Variants in CDK8 observed in about 807,000 individuals in gnomAD.
CDK8 encodes the protein cyclin dependent kinase 8.
A neutral mutation model predicts 71.5 loss-of-function variants in CDK8; 29 were observed. The ratio of observed to expected loss-of-function variants is 0.41; its 90% CI spans 0.30 to 0.55. CDK8 has a LOEUF of 0.55. Among genes scored for constraint, CDK8 ranks in the 20% least tolerant of loss-of-function variants. The pLI, the probability that CDK8 is intolerant of heterozygous loss-of-function variation, is 0.37. For synonymous variants in CDK8, 161 were observed against 192.1 expected, an observed-to-expected ratio of 0.84 and a Z score of 1.34; for missense variants, 288 against 572.6, an observed-to-expected ratio of 0.50 and a Z score of 5.07.
At chr13:26,267,803 A>G (rs887732331) in intron 1 of CDK8, among the ~76,000 whole-genome samples, 8 of 152,234 alleles carry the variant, frequency 5.3e-5, no homozygotes, top group African/African-American at 1.9e-4. Context: ...AGATGGAGGT[A>G]GAACTTCCCA....
chr13:26,357,081 T>C (rs1216582282), intron 4 of CDK8, among the ~76,000 whole-genome samples: 1 of 152,230 alleles, frequency 6.6e-6, no homozygotes, highest in East Asian at 1.9e-4. Flanking sequence ...ATAGAAATAC[T>C]GGTTTGAGAT....
chr13:26,398,285 C>T (rs535531245), intron 9 of CDK8, among the ~76,000 whole-genome samples: 20 of 152,140 alleles, frequency 1.3e-4, no homozygotes, highest in Admixed American at 9.2e-4. Context: ...TTAGATCCTT[C>T]GAAATTATGG....
intron 4 of CDK8, among the ~76,000 whole-genome samples, chr13:26,358,703 A>G (rs970764032): frequency 6.6e-6 from 1 of 152,250 alleles, no homozygotes; most frequent in African/African-American, 2.4e-5. Flanking sequence ...TGTTCATAGC[A>G]GCATTATTCA....
At position 26,393,467 on chromosome 13, in the gene CDK8, T is replaced by G; in HGVS notation, c.747T>G (p.His249Gln). 1.2e-6 allele frequency: 2 copies of G among 1,612,000 alleles called. No homozygotes were observed. Among genetic ancestry groups the G allele is most frequent in the Non-Finnish European group, 1.7e-6 (2 of 1,178,262 alleles). The change falls in exon 7 of 13, where the codon CAT becomes CAG. Residue 249 changes from histidine to glutamine, a missense_variant. By Grantham distance (24) the His-to-Gln change is conservative. Around this residue, in one of 6 missense-constraint regions of CDK8, gnomAD observed 96 missense variants for 229.8 expected, o/e 0.42. Transcript: ENST00000381527. ...EDIKTSNPYHHDQLDRIFNVM... is the reference protein window; with the variant it reads ...EDIKTSNPYHQDQLDRIFNVM... ...TCAAAACTAGTAATCCTTATCACCATGACCAGCTGGACAGAATATTCAATG... is the reference window on the plus strand; with the variant it reads ...TCAAAACTAGTAATCCTTATCACCAGGACCAGCTGGACAGAATATTCAATG...
At chr13:26,370,293 A>G (rs1042622164) in intron 4 of CDK8, among the ~76,000 whole-genome samples, 2 of 152,220 alleles carry the variant, frequency 1.3e-5, no homozygotes, top group African/African-American at 4.8e-5. Flanking sequence ...GGGTGAACTT[A>G]AGGTCTAAGT....
chr13:26,325,115 G>T (rs967066701), intron 1 of CDK8, among the ~76,000 whole-genome samples: 14 of 152,158 alleles, frequency 9.2e-5, no homozygotes, highest in Admixed American at 9.2e-4. Context: ...AATTCCTGTT[G>T]AATCTGTCTT....
At chr13:26,403,019 T>TA (rs1876335369) in intron 12 of CDK8, among the ~76,000 whole-genome samples, 1 of 152,228 alleles carries the variant, frequency 6.6e-6, no homozygotes, top group South Asian at 2.1e-4. Flanking sequence ...TAATCTTTTA[T>TA]AGTGTTTGTC....
At chr13:26,265,504 G>T (rs1461239035) in intron 1 of CDK8, among the ~76,000 whole-genome samples, 1 of 152,160 alleles carries the variant, frequency 6.6e-6, no homozygotes, top group Non-Finnish European at 1.5e-5. Context: ...AATATCACTC[G>T]TGGCTCCAGA....
At position 26,378,693 on chromosome 13, in the gene CDK8, A is replaced by G. The variant is rs547519173; in HGVS notation, c.457-4121A>G. On this transcript the variant is annotated intron_variant, in intron 4 of 12. Coordinates refer to ENST00000381527, the MANE Select transcript of CDK8 (RefSeq NM_001260.3). ...TATGCCTCATCAGAATGTCACCAGC[A>G]AAGTTCTATATGTTCTTTTAAGGTG... Among the ~76,000 whole-genome samples, 150 of 152,338 alleles carry G rather than the reference A, an allele frequency of 9.8e-4. 1 individual carries two copies. Among genetic ancestry groups the G allele is most frequent in the African/African-American group, 3.5e-3 (145 of 41,584 alleles).
rs561024668 is a variant in CDK8 at position 26,365,277 on chromosome 13, C to T, written c.456+11397C>T. Among the ~76,000 whole-genome samples, 63 of 152,200 alleles carry T rather than the reference C, an allele frequency of 4.1e-4. No individual in the cohort carries two copies. In the South Asian group the frequency reaches 0.012, roughly 30 times the overall value. On this transcript the variant is annotated intron_variant, in intron 4 of 12. Coordinates refer to ENST00000381527, the MANE Select transcript of CDK8 (RefSeq NM_001260.3). Reference sequence around the variant, plus strand: ...ACTATTGTGCTTATTCTAAAGTATTCTTACTTAAATGACCAGCTGGACAGT... The same window carrying T: ...ACTATTGTGCTTATTCTAAAGTATTTTTACTTAAATGACCAGCTGGACAGT...
chr13:26,368,769 C>G (rs1874514272), intron 4 of CDK8, among the ~76,000 whole-genome samples: 1 of 152,120 alleles, frequency 6.6e-6, no homozygotes, highest in Non-Finnish European at 1.5e-5. Context: ...CCCTTCTGTG[C>G]CTGGTTAAGT....
chr13:26,387,102 T>C (rs1875514771), intron 6 of CDK8, among the ~76,000 whole-genome samples: 1 of 152,216 alleles, frequency 6.6e-6, no homozygotes, highest in Non-Finnish European at 1.5e-5. Flanking sequence ...CTTTGTCATA[T>C]CCATTTCTAA....
chr13:26,368,463 C>T (rs1159018638), intron 4 of CDK8, among the ~76,000 whole-genome samples: 2 of 152,170 alleles, frequency 1.3e-5, no homozygotes, highest in African/African-American at 2.4e-5. Context: ...GTGGTGAAAG[C>T]TGCACCATTA....
chr13:26,304,819 A>G (rs1873971884), intron 1 of CDK8, among the ~76,000 whole-genome samples: 1 of 151,312 alleles, frequency 6.6e-6, no homozygotes, highest in Non-Finnish European at 1.5e-5. Flanking sequence ...ATTTTTTTTT[A>G]ATTTTAAAAT....
intron 4 of CDK8, among the ~76,000 whole-genome samples, chr13:26,369,747 G>GGT (rs1874576898): frequency 1.4e-5 from 2 of 145,402 alleles, no homozygotes; most frequent in African/African-American, 2.6e-5. Flanking sequence ...TAGTAGATAG[G>GGT]GTGTTTCACC....
chr13:26,330,846 T>C (rs941848469), intron 1 of CDK8, among the ~76,000 whole-genome samples: 2 of 152,244 alleles, frequency 1.3e-5, no homozygotes, highest in Non-Finnish European at 2.9e-5. Flanking sequence ...CATCTGTTGA[T>C]GGACACTTAG....
chr13:26,390,747 CAAG>C (rs1875707704), intron 6 of CDK8, among the ~76,000 whole-genome samples: 1 of 152,094 alleles, frequency 6.6e-6, no homozygotes, highest in African/African-American at 2.4e-5. Context: ...TTTATCAAAA[CAAG>C]AAGCTTGCTA....
At chr13:26,316,792 AC>A (rs1361214609) in intron 1 of CDK8, among the ~76,000 whole-genome samples, 1 of 152,230 alleles carries the variant, frequency 6.6e-6, no homozygotes, top group Non-Finnish European at 1.5e-5. Flanking sequence ...CACAAGACAT[AC>A]AAAGAAACAG....
chr13:26,305,779 T>C (rs926665042), intron 1 of CDK8, among the ~76,000 whole-genome samples: 1 of 152,222 alleles, frequency 6.6e-6, no homozygotes, highest in Non-Finnish European at 1.5e-5. Context: ...TTTTACAGTT[T>C]TAGAATTTTT....
Sources: gnomAD v4.1 joint callset for allele counts (sites outside exome capture counted in the v4.1 genomes callset) on GRCh38, gnomAD v4.1.1 for gene constraint, gnomAD v4.1.1 regional missense constraint, MANE v1.5 for transcripts, NCBI Gene and HGNC (gene_info 2026-07-23, HGNC 2026-07-21) for gene names.